The following SPON1 variants were observed in gnomAD, a reference collection of about 807,000 sequenced individuals.
SPON1 encodes spondin 1, also known as spondin-1.
In SPON1, 52 loss-of-function variants were observed where a neutral mutation model predicts 111.7. The ratio of observed to expected loss-of-function variants is 0.47; its 90% CI spans 0.37 to 0.59. SPON1 has a LOEUF of 0.59. Among genes scored for constraint, SPON1 ranks in the 20% least tolerant of loss-of-function variants. SPON1 has a pLI of 0.00. For synonymous variants in SPON1, 410 were observed against 395.8 expected (o/e 1.04, Z -0.43); for missense variants, 957 against 1,068.5 (o/e 0.90, Z 1.46).
At chr11:14,155,567 G>A (rs1847835996) in intron 6 of SPON1, among the ~76,000 whole-genome samples, 1 of 151,188 alleles carries the variant, frequency 6.6e-6, no homozygotes, top group Non-Finnish European at 1.5e-5. Flanking sequence ...AGTTACATAT[G>A]TATACATGTG....
At chr11:14,014,452 T>C (rs1013942684) in intron 2 of SPON1, among the ~76,000 whole-genome samples, 2 of 152,238 alleles carry the variant, frequency 1.3e-5, no homozygotes, top group Non-Finnish European at 2.9e-5. Flanking sequence ...ATACCTCTTA[T>C]ACGCAATGGC....
chr11:14,128,155 C>T (rs189692773), intron 5 of SPON1, among the ~76,000 whole-genome samples: 41 of 152,286 alleles, frequency 2.7e-4, no homozygotes, highest in African/African-American at 9.1e-4. Flanking sequence ...ATCATGCCTT[C>T]CCAACAGTCC....
At chr11:14,068,253 T>C (rs149518122) in intron 3 of SPON1, among the ~76,000 whole-genome samples, 13 of 152,330 alleles carry the variant, frequency 8.5e-5, no homozygotes, top group African/African-American at 2.9e-4. Flanking sequence ...TTGTTATCCC[T>C]AGGTCAGTTT....
intron 6 of SPON1, among the ~76,000 whole-genome samples, chr11:14,197,151 T>A (rs11606345): frequency 6.6e-6 from 1 of 152,208 alleles, no homozygotes; most frequent in Admixed American, 6.5e-5. Flanking sequence ...GCTTATTTAC[T>A]GAAATACTGG....
chr11:14,002,894 G>A (rs1282156387), intron 2 of SPON1, among the ~76,000 whole-genome samples: 4 of 151,978 alleles, frequency 2.6e-5, no homozygotes, highest in African/African-American at 9.7e-5. Context: ...CAAAGTCCTA[G>A]GACCCCACAT....
chr11:14,063,707 T>G (rs1848809155), intron 3 of SPON1, among the ~76,000 whole-genome samples: 1 of 152,246 alleles, frequency 6.6e-6, no homozygotes, highest in South Asian at 2.1e-4. Context: ...GAATGCGTTG[T>G]GCAGTCAGCA....
At chr11:14,246,689 A>C (rs1554940281) in intron 7 of SPON1, among the ~76,000 whole-genome samples, 2 of 152,144 alleles carry the variant, frequency 1.3e-5, no homozygotes, top group Non-Finnish European at 2.9e-5. Flanking sequence ...CCCCAAAAAA[A>C]GTCCTGTGAA....
At chr11:14,166,486 TG>T (rs1564921420) in intron 6 of SPON1, among the ~76,000 whole-genome samples, 1 of 152,190 alleles carries the variant, frequency 6.6e-6, no homozygotes, top group Non-Finnish European at 1.5e-5. Flanking sequence ...CCTAGAAGTT[TG>T]GCTTTTTCAT....
At chr11:14,234,570 A>G (rs1335261494) in intron 6 of SPON1, among the ~76,000 whole-genome samples, 1 of 152,226 alleles carries the variant, frequency 6.6e-6, no homozygotes, top group African/African-American at 2.4e-5. Context: ...AGCTAAGTAA[A>G]TGCCGATGGC....
chr11:14,200,474 T>G (rs1217097934), intron 6 of SPON1, among the ~76,000 whole-genome samples: 1 of 152,218 alleles, frequency 6.6e-6, no homozygotes, highest in African/African-American at 2.4e-5. Context: ...TTTTGTTGAC[T>G]TCATGAATCT....
chr11:14,070,654 C>A (rs1848868341), intron 3 of SPON1, among the ~76,000 whole-genome samples: 2 of 152,138 alleles, frequency 1.3e-5, no homozygotes, highest in Admixed American at 6.5e-5. Flanking sequence ...TAAGTCATTT[C>A]ATGACCTGAT....
chr11:14,222,662 G>C (rs1423801390), intron 6 of SPON1, among the ~76,000 whole-genome samples: 1 of 152,154 alleles, frequency 6.6e-6, no homozygotes, highest in African/African-American at 2.4e-5. Context: ...ACCATCATCA[G>C]GTCGGAAAAA....
At position 14,075,363 on chromosome 11, in the gene SPON1, A is replaced by G; in HGVS notation, c.498A>G (p.Lys166=). 6.4e-7 allele frequency: 1 copy of G among 1,560,184 alleles called. No individual in the cohort carries two copies. ...CVILKASIVQ[K]RIIYFQDEGS... ...TTCACAGGGCCAGCATCGTACAAAA[A>G]CGCATTATTTATTTTCAAGATGAGG... is the stretch of plus-strand genomic sequence containing the variant. Residue 166 remains lysine (K), a synonymous_variant, in exon 4 of 16, where the codon AAA becomes AAG. Transcript: ENST00000576479.
intron 3 of SPON1, among the ~76,000 whole-genome samples, chr11:14,061,336 A>G (rs908203992): frequency 6.6e-6 from 1 of 152,228 alleles, no homozygotes; most frequent in Non-Finnish European, 1.5e-5. Flanking sequence ...AATGTACACA[A>G]CTATCATCTA....
Position 14,262,968 on chromosome 11 carries a change from G to C in SPON1, c.2253G>C (p.Gln751His). Residue 751 changes from glutamine (Q) to histidine (H), a missense_variant, in exon 15 of 16, where the codon CAG (glutamine) becomes CAC (histidine). By Grantham distance (24) the Gln-to-His change is conservative. Transcript: ENST00000576479. ...TGAAGGAAGAGTCTGAAGGGGAGCA[G>C]TTCCCAGGTATGGCTCCCAAGTGTC... ...EQLKEESEGE[Q>H]FPGCRMRPWT... 6.2e-7 allele frequency: 1 copy of C among 1,612,328 alleles called. No individual in the cohort carries two copies. The highest frequency in any genetic ancestry group is 1.1e-5 in the South Asian group (1 of 91,016).
chr11:14,113,666 G>A (rs1214071028), intron 5 of SPON1, among the ~76,000 whole-genome samples: 3 of 127,122 alleles, frequency 2.4e-5, no homozygotes, highest in Non-Finnish European at 3.1e-5. Flanking sequence ...GCAGTGGCGC[G>A]ATCTCGGCTC....
At chr11:14,214,217 C>T (rs565438206) in intron 6 of SPON1, among the ~76,000 whole-genome samples, 8 of 152,300 alleles carry the variant, frequency 5.3e-5, no homozygotes, top group Non-Finnish European at 1.2e-4. Flanking sequence ...TGGTCCTCTG[C>T]GCGTAGGGCC....
chr11:14,008,088 C>T (rs922816922), intron 2 of SPON1, among the ~76,000 whole-genome samples: 4 of 152,122 alleles, frequency 2.6e-5, no homozygotes, highest in Admixed American at 2.0e-4. Flanking sequence ...TCTGCAGGTT[C>T]TGCATCCACT....
intron 2 of SPON1, among the ~76,000 whole-genome samples, chr11:14,022,087 C>A (rs1848485063): frequency 6.6e-6 from 1 of 152,112 alleles, no homozygotes; most frequent in African/African-American, 2.4e-5. Flanking sequence ...TTTGACCTTA[C>A]CGTTTGGAAG....
Sources: allele counts gnomAD v4.1 joint callset (sites outside exome capture counted in the v4.1 genomes callset), GRCh38; gene constraint gnomAD v4.1.1; transcripts MANE v1.5; gene names NCBI Gene and HGNC (gene_info 2026-07-23, HGNC 2026-07-21).